The following SRPX2 variants were observed in gnomAD, a reference collection of about 807,000 sequenced individuals.
SRPX2 encodes the protein sushi repeat-containing protein SRPX2.
SRPX2 carries 26 observed loss-of-function variants against 45.3 expected under a neutral mutation model. The ratio of observed to expected loss-of-function variants is 0.57; its 90% CI spans 0.42 to 0.80. SRPX2 has a LOEUF of 0.80. SRPX2 is among the 30% of genes least tolerant of loss of function. The pLI, the probability that SRPX2 is intolerant of heterozygous loss-of-function variation, is 0.00. For synonymous variants in SRPX2, 125 were observed against 143.7 expected, an observed-to-expected ratio of 0.87 and a Z score of 0.93; for missense variants, 355 against 399.8, an observed-to-expected ratio of 0.89 and a Z score of 0.95.
intron 10 of SRPX2, 84 bp from the exon 11 acceptor site, chrX:100,670,723 G>C: frequency 9.6e-7 from 1 of 1,045,605 alleles, no homozygotes; most frequent in Non-Finnish European, 1.3e-6. Flanking sequence ...CATGAGTGGA[G>C]CTGCAAAAAG....
chrX:100,674,805 G>C lies in SRPX2; in HGVS notation c.*3818G>C, dbSNP rs2083251486. ...CTTATGAGAATAGAAAGGTCAGTTT[G>C]ATCAATGAGTACCAGAAGATGAAAC... On this transcript the variant is annotated 3_prime_UTR_variant, in exon 11 of 11. Coordinates refer to ENST00000373004, the MANE Select transcript of SRPX2 (RefSeq NM_014467.3). 1 of 111,803 alleles carries C rather than the reference G, an allele frequency of 8.9e-6. No individual in the cohort carries two copies. The highest frequency in any genetic ancestry group is 1.9e-5 in the Non-Finnish European group (1 of 53,198). The allele number at this position is 111,803 out of a possible 1,213,427, so 9.2% of individuals were successfully genotyped here.
At chrX:100,668,343 GAAAA>G (rs5903168) in intron 9 of SRPX2, among the ~76,000 whole-genome samples, 6 of 73,073 alleles carry the variant, frequency 8.2e-5, no homozygotes, top group Admixed American at 1.8e-4. Context: ...AAAAAAAAAA[GAAAA>G]AAAAAAAAAA....
Position 100,674,165 on chromosome X carries a change from C to A in SRPX2, c.*3178C>A, listed in dbSNP as rs138910057. 220 of 111,913 alleles carry A rather than the reference C, an allele frequency of 2.0e-3. No individual in the cohort carries two copies. The highest frequency in any genetic ancestry group is 7.0e-3 in the African/African-American group (216 of 30,782). 9.2% of individuals were successfully genotyped at this position (111,913 alleles called of 1,213,427 possible). On this transcript the variant is annotated 3_prime_UTR_variant, in exon 11 of 11. Transcript: ENST00000373004. The stretch of plus-strand genomic sequence containing the variant: ...CCCCTCACCTCCTGTATGAACATCT[C>A]TCTCCTTCCTCCAGTATAGGAGGGT...
chrX:100,669,395 TGGGGGGAGG>T, intron 10 of SRPX2, 26 bp downstream of exon 10: 1 of 37,249 alleles, frequency 2.7e-5, no homozygotes, highest in Non-Finnish European at 4.2e-5. Flanking sequence ...CTGCCAAACT[TGGGGGGAGG>T]GGGGGCTGGG....
intron 3 of SRPX2, among the ~76,000 whole-genome samples, chrX:100,655,219 T>G (rs1394789836): frequency 3.6e-5 from 4 of 111,954 alleles, no homozygotes; most frequent in Non-Finnish European, 7.5e-5. Flanking sequence ...ACACTTGCTA[T>G]GTAGTGATAT....
At chrX:100,670,643 AAAAC>A (rs1383100777) in intron 10 of SRPX2, among the ~76,000 whole-genome samples, 160 bp from the exon 11 acceptor site, 1 of 111,639 alleles carries the variant, frequency 9.0e-6, no homozygotes, top group Non-Finnish European at 1.9e-5. Context: ...TGAACACAGA[AAAAC>A]AAAGCGACTT....
At chrX:100,658,245 G>T (rs1383850863) in intron 3 of SRPX2, among the ~76,000 whole-genome samples, 2 of 111,697 alleles carry the variant, frequency 1.8e-5, no homozygotes, top group African/African-American at 6.5e-5. Context: ...ATACTTCTGG[G>T]TCTTACATTT....
At chrX:100,654,354 C>G (rs2083162291) in intron 3 of SRPX2, among the ~76,000 whole-genome samples, 1 of 111,009 alleles carries the variant, frequency 9.0e-6, no homozygotes, top group African/African-American at 3.3e-5. Context: ...CCCCAGCCTC[C>G]CAGGTAAAGT....
intron 3 of SRPX2, among the ~76,000 whole-genome samples, chrX:100,656,626 A>G (rs1409701372): frequency 9.0e-6 from 1 of 111,730 alleles, no homozygotes; most frequent in Non-Finnish European, 1.9e-5. Context: ...AGTTCCATCC[A>G]TGTTGCTGCA....
At chrX:100,667,451 T>A (rs1432745726) in intron 9 of SRPX2, 44 bp downstream of exon 9, 2 of 1,205,264 alleles carry the variant, frequency 1.7e-6, no homozygotes, top group East Asian at 5.9e-5. Flanking sequence ...CTGTAAATTA[T>A]CCCTTACCTT....
chrX:100,674,734 C>T lies in SRPX2; in HGVS notation c.*3747C>T, dbSNP rs2083250502. 9.0e-6 allele frequency: 1 copy of T among 111,553 alleles called. No individual in the cohort carries two copies. The highest frequency in any genetic ancestry group is 3.8e-4 in the South Asian group (1 of 2,648). The allele number at this position is 111,553 out of a possible 1,213,427, so 9.2% of individuals were successfully genotyped here. ...CAGCTGACTCTGTTGAAAGGGATTT[C>T]CTCTCTGCTATACACTCCTTCCACA... On this transcript the variant is annotated 3_prime_UTR_variant, in exon 11 of 11. Transcript: ENST00000373004.
rs1185487539 is a variant in SRPX2 at position 100,669,287 on chromosome X, A to G, written c.1135A>G (p.Ile379Val). The G allele has an allele frequency of 2.5e-6, 3 of 1,208,894 alleles. No homozygotes were observed. Among genetic ancestry groups the G allele is most frequent in the Non-Finnish European group, 3.4e-6 (3 of 894,492 alleles). ...CGLDLRHVTI[I>V]ELVGQPPQEV... ...ACTGGATTTGCGGCATGTGACCATC[A>G]TTGAACTGGTGGGACAGCCACCTCA... Residue 379 changes from isoleucine (I) to valine (V), a missense_variant, in exon 10 of 11, where the codon ATT (isoleucine) becomes GTT (valine). Ile to Val is a conservative substitution (Grantham distance 29). Transcript: ENST00000373004.
In SRPX2 at chrX:100,672,639, T is replaced by C. The variant is rs1247761557; in HGVS notation, c.*1652T>C. The C allele has an allele frequency of 1.8e-5, 2 of 112,222 alleles. No individual in the cohort carries two copies. The highest frequency in any genetic ancestry group is 3.8e-5 in the Non-Finnish European group (2 of 53,319). The allele number at this position is 112,222 out of a possible 1,213,427, so 9.2% of individuals were successfully genotyped here. On this transcript the variant is annotated 3_prime_UTR_variant, in exon 11 of 11. Transcript: ENST00000373004. ...GTTCTTCTTAGACATTATGCCATCC[T>C]GACGCTACTTCTTTTCCTACTTTCC...
chrX:100,665,748 A>G, intron 7 of SRPX2, 91 bp downstream of exon 7: 2 of 1,165,823 alleles, frequency 1.7e-6, no homozygotes, highest in Non-Finnish European at 2.3e-6. Context: ...CCTGGAAGAG[A>G]CACACCTCAT....
intron 2 of SRPX2, among the ~76,000 whole-genome samples, chrX:100,647,087 G>A (rs2083137782): frequency 8.9e-6 from 1 of 111,936 alleles, no homozygotes; most frequent in Non-Finnish European, 1.9e-5. Flanking sequence ...TGAGAAGAGG[G>A]AAAGGGGAGG....
At chrX:100,666,312 A>G (rs1569362031) in intron 7 of SRPX2, among the ~76,000 whole-genome samples, 1 of 112,291 alleles carries the variant, frequency 8.9e-6, no homozygotes. Flanking sequence ...TTCTTCAGAA[A>G]TATTTTTAAT....
chrX:100,669,402 AGGGGGGGCTGGGGC>A, intron 10 of SRPX2, 33 bp downstream of exon 10: 11 of 27,530 alleles, frequency 4.0e-4, no homozygotes, highest in Admixed American at 2.1e-3. Context: ...ACTTGGGGGG[AGGGGGGGCTGGGGC>A]GGGGGGAGAA....
intron 2 of SRPX2, 33 bp downstream of exon 2, chrX:100,646,437 A>T (rs1240543927): frequency 1.8e-6 from 2 of 1,141,964 alleles, no homozygotes; most frequent in East Asian, 6.0e-5. Flanking sequence ...TATTATTTCC[A>T]GGAAGGATAG....
intron 3 of SRPX2, among the ~76,000 whole-genome samples, chrX:100,654,692 G>A (rs1406467849): frequency 9.0e-6 from 1 of 111,672 alleles, no homozygotes; most frequent in East Asian, 2.8e-4. Flanking sequence ...GAGAGTCACA[G>A]AGAATTTAAA....
Sources: gnomAD v4.1 joint callset for allele counts (sites outside exome capture counted in the v4.1 genomes callset) on GRCh38, gnomAD v4.1.1 for gene constraint, MANE v1.5 for transcripts, NCBI Gene and HGNC (gene_info 2026-07-23, HGNC 2026-07-21) for gene names.